FAAH2: variants seen among roughly 807,000 people sequenced by gnomAD.
The protein encoded by FAAH2 is fatty acid amide hydrolase 2.
Under a neutral mutation model 36.9 loss-of-function variants are expected in FAAH2, and 60 were observed. The observed-to-expected ratio is 1.63, with a 90% CI of 1.32 to 2.02. The LOEUF (loss-of-function observed/expected upper bound fraction) is 2.02. FAAH2 is among the 30% of genes most tolerant of loss of function. The pLI is 0.00. For synonymous variants in FAAH2, 214 were observed against 143.8 expected, an observed-to-expected ratio of 1.49 and a Z score of -3.49; for missense variants, 689 against 397.5, an observed-to-expected ratio of 1.73 and a Z score of -6.23.
chrX:57,286,341 A>G (rs1041495736), upstream of FAAH2, among the ~76,000 whole-genome samples: 8 of 112,293 alleles, frequency 7.1e-5, no homozygotes, highest in African/African-American at 2.6e-4. Context: ...CTTTTTTCAC[A>G]AGCACAGCTG....
chrX:57,364,923 GTTA>G (rs1454181422), intron 5 of FAAH2, among the ~76,000 whole-genome samples: 1 of 111,647 alleles, frequency 9.0e-6, no homozygotes, highest in East Asian at 2.8e-4. Flanking sequence ...GAGTGTAGTT[GTTA>G]TTATATATTT....
chrX:57,465,971 T>A (rs2057039379), intron 10 of FAAH2, among the ~76,000 whole-genome samples: 1 of 109,214 alleles, frequency 9.2e-6, no homozygotes, highest in Non-Finnish European at 1.9e-5. Flanking sequence ...AATCCAAAAA[T>A]GGAATGAAGA....
the FAAH2 span, among the ~76,000 whole-genome samples, chrX:57,138,024 C>T: frequency 2.0e-4 from 22 of 111,821 alleles, no homozygotes; most frequent in Non-Finnish European, 4.1e-4. Context: ...TATGCATACA[C>T]ACTCACGAAT....
At chrX:57,176,384 A>G in the FAAH2 span, among the ~76,000 whole-genome samples, 2 of 110,353 alleles carry the variant, frequency 1.8e-5, no homozygotes, top group Admixed American at 1.9e-4. Context: ...TTTCCACTGC[A>G]TTTTGTAGTT....
chrX:57,201,068 T>TC, the FAAH2 span, among the ~76,000 whole-genome samples: 4 of 109,032 alleles, frequency 3.7e-5, no homozygotes, highest in African/African-American at 1.3e-4. Flanking sequence ...TTTTTTTTTT[T>TC]CTTCAGCAAT....
chrX:57,274,553 C>A, the FAAH2 span, among the ~76,000 whole-genome samples: 1 of 111,915 alleles, frequency 8.9e-6, no homozygotes, highest in Non-Finnish European at 1.9e-5. Context: ...AAAGATTATC[C>A]ACTATGATCA....
intron 7 of FAAH2, among the ~76,000 whole-genome samples, chrX:57,417,723 G>A (rs1356475141): frequency 8.9e-6 from 1 of 111,915 alleles, no homozygotes; most frequent in African/African-American, 3.2e-5. Context: ...ATCCACTTGA[G>A]GAGGCAGTCT....
intron 2 of FAAH2, among the ~76,000 whole-genome samples, chrX:57,306,939 C>T (rs2052550060): frequency 3.0e-5 from 2 of 66,382 alleles, no homozygotes; most frequent in African/African-American, 4.7e-5. Context: ...TGTATATATA[C>T]TATATAGTAC....
At chrX:57,406,230 C>T (rs768499892) in intron 7 of FAAH2, among the ~76,000 whole-genome samples, 23 of 112,119 alleles carry the variant, frequency 2.1e-4, no homozygotes, top group South Asian at 3.7e-4. Flanking sequence ...ACTTTTGTGT[C>T]GTGGCTTTCT....
the FAAH2 span, among the ~76,000 whole-genome samples, chrX:57,155,652 C>T: frequency 8.9e-6 from 1 of 112,394 alleles, no homozygotes; most frequent in South Asian, 3.7e-4. Context: ...CGTCATCCCC[C>T]AAGTTCTGGC....
intron 10 of FAAH2, among the ~76,000 whole-genome samples, chrX:57,486,873 G>T (rs768755942): frequency 2.3e-4 from 26 of 111,835 alleles, no homozygotes; most frequent in Non-Finnish European, 4.9e-4. Context: ...GGATATTCAT[G>T]AAAGTATTCT....
At chrX:57,139,535 G>A in the FAAH2 span, among the ~76,000 whole-genome samples, 3 of 111,109 alleles carry the variant, frequency 2.7e-5, no homozygotes, top group Non-Finnish European at 5.7e-5. Flanking sequence ...CTCACTGCGA[G>A]CTCCTTCTCC....
chrX:57,187,742 C>G, the FAAH2 span, among the ~76,000 whole-genome samples: 1 of 111,321 alleles, frequency 9.0e-6, no homozygotes, highest in African/African-American at 3.3e-5. Context: ...TATGTTGCAT[C>G]AATACCTAGT....
At position 57,352,082 on chromosome X, in the gene FAAH2, G is replaced by GTATATATA. The variant is rs1347715926; in HGVS notation, c.742+10694_742+10701dup. 9.3e-4 allele frequency among the ~76,000 whole-genome samples: 4 copies of GTATATATA among 4,296 alleles called. 1 individual carries two copies. The highest frequency in any genetic ancestry group is 1.7e-3 in the African/African-American group (4 of 2,363). 3.7% of individuals were successfully genotyped at this position (4,296 alleles called of 115,157 possible). A position where few individuals can be genotyped will look rare whatever the true frequency, so the allele number is the denominator to read the frequency against. On this transcript the variant is annotated intron_variant, in intron 5 of 10. Coordinates refer to ENST00000374900, the MANE Select transcript of FAAH2 (RefSeq NM_174912.4). Reference sequence around the variant, plus strand: ...TATATATATACACATATATATATGTGTATATATATGCACATATATATATAT... The same window carrying GTATATATA: ...TATATATATACACATATATATATGTGTATATATATATATATATGCACATATATATATAT...
intron 5 of FAAH2, among the ~76,000 whole-genome samples, chrX:57,355,652 C>A (rs954911084): frequency 3.6e-5 from 4 of 110,220 alleles, no homozygotes; most frequent in Non-Finnish European, 7.6e-5. Context: ...CTATTAACTT[C>A]TTCGAATTCA....
intron 8 of FAAH2, among the ~76,000 whole-genome samples, chrX:57,433,849 C>T (rs4319228): frequency 0.54 from 59,435 of 110,701 alleles, 13,829 homozygotes; most frequent in Non-Finnish European, 0.73. Flanking sequence ...TCTTCAAGAA[C>T]AAAATTCCAC....
At chrX:57,264,130 G>C in the FAAH2 span, among the ~76,000 whole-genome samples, 1 of 111,611 alleles carries the variant, frequency 9.0e-6, no homozygotes, top group African/African-American at 3.3e-5. Context: ...AAAAAAATAG[G>C]AGAAAATTTT....
chrX:57,315,433 A>G (rs1197944803), intron 3 of FAAH2, among the ~76,000 whole-genome samples: 1 of 111,597 alleles, frequency 9.0e-6, no homozygotes, highest in Non-Finnish European at 1.9e-5. Flanking sequence ...CCCTAATACA[A>G]AAATCTGGCA....
chrX:57,149,310 G>T, the FAAH2 span, among the ~76,000 whole-genome samples: 6 of 111,398 alleles, frequency 5.4e-5, no homozygotes, highest in East Asian at 2.8e-4. Context: ...TTCTATTGAT[G>T]GGAATAGTTT....
Sources: gnomAD v4.1 joint callset for allele counts (sites outside exome capture counted in the v4.1 genomes callset) on GRCh38, gnomAD v4.1.1 for gene constraint, MANE v1.5 for transcripts, NCBI Gene and HGNC (gene_info 2026-07-23, HGNC 2026-07-21) for gene names.